Variants in FYB2 observed in about 807,000 individuals in gnomAD.
FYB2 encodes FYN-binding protein 2.
In FYB2, 103 loss-of-function variants were observed where a neutral mutation model predicts 94.1. The ratio of observed to expected loss-of-function variants is 1.09; its 90% CI spans 0.93 to 1.29. The LOEUF (loss-of-function observed/expected upper bound fraction) is 1.29, where lower values mean the gene tolerates loss of function less well. Ranked by LOEUF, FYB2 falls within the 50% of genes most tolerant of loss-of-function variation. FYB2 has a pLI of 0.00. For missense variants in FYB2, 896 were observed against 841.5 expected, an observed-to-expected ratio of 1.06 and a Z score of -0.80; for synonymous variants, 293 against 287.9, an observed-to-expected ratio of 1.02 and a Z score of -0.18.
chr1:56,757,720 T>TTCTTTCTTTCTTTCTTTCTTTCTC, intron 6 of FYB2, among the ~76,000 whole-genome samples: 1 of 123,376 alleles, frequency 8.1e-6, no homozygotes, highest in Non-Finnish European at 1.7e-5. Flanking sequence ...CTTTCTTTCT[T>TTCTTTCTTTCTTTCTTTCTTTCTC]TCTTTCTTTC....
At chr1:56,803,064 C>T (rs544301542) in intron 1 of FYB2, among the ~76,000 whole-genome samples, 2 of 152,232 alleles carry the variant, frequency 1.3e-5, no homozygotes, top group South Asian at 2.1e-4. Context: ...AGTTTCAGCA[C>T]CAATTTAGGT....
intron 5 of FYB2, among the ~76,000 whole-genome samples, chr1:56,762,392 T>G (rs531856339): frequency 6.6e-6 from 1 of 152,306 alleles, no homozygotes; most frequent in South Asian, 2.1e-4. Flanking sequence ...CTTATTTAGA[T>G]TTTCTTTGAT....
In FYB2 at chr1:56,752,003, G is replaced by A. The variant is rs1251437917; in HGVS notation, c.1228-800C>T. On this transcript the variant is annotated intron_variant, in intron 8 of 19. Transcript: ENST00000343433. ...TCCAAATGTCAGTAGGAGATTGACA[G>A]AGTGGATAAAGGAGTATCTGGCAGA... Among the ~76,000 whole-genome samples, 4 of 151,936 alleles carry A rather than the reference G, an allele frequency of 2.6e-5. No individual in the cohort carries two copies. In the East Asian group the frequency reaches 7.8e-4, roughly 29 times the overall value.
chr1:56,739,505 C>T (rs932279670), intron 13 of FYB2, among the ~76,000 whole-genome samples: 1 of 152,046 alleles, frequency 6.6e-6, no homozygotes, highest in African/African-American at 2.4e-5. Context: ...GGTAGAACAA[C>T]ATAATTCCAT....
upstream of FYB2, chr1:56,824,518 A>G (rs926532890): frequency 2.0e-5 from 3 of 152,228 alleles, no homozygotes. Flanking sequence ...AAGTTCTATC[A>G]AAGTCTAAGA....
chr1:56,799,317 TATTA>T (rs1449674860), intron 1 of FYB2, among the ~76,000 whole-genome samples: 2 of 152,220 alleles, frequency 1.3e-5, no homozygotes, highest in South Asian at 2.1e-4. Context: ...AAAATTCTTC[TATTA>T]ATTCATAAAA....
chr1:56,727,505 A>T (rs1644608428), intron 15 of FYB2, among the ~76,000 whole-genome samples: 1 of 152,152 alleles, frequency 6.6e-6, no homozygotes, highest in South Asian at 2.1e-4. Context: ...ATACTATAGA[A>T]CATTAAAATG....
chr1:56,751,592 T>C (rs1645200430), intron 8 of FYB2, among the ~76,000 whole-genome samples: 2 of 152,064 alleles, frequency 1.3e-5, no homozygotes, highest in Admixed American at 6.6e-5. Flanking sequence ...GTAATCTACC[T>C]AGGCAGGACT....
At chr1:56,808,305 T>C (rs1202006657) in intron 1 of FYB2, among the ~76,000 whole-genome samples, 1 of 152,132 alleles carries the variant, frequency 6.6e-6, no homozygotes, top group Non-Finnish European at 1.5e-5. Context: ...TCTAGTATAC[T>C]CCTACAGCCT....
chr1:56,727,306 T>C (rs1163605570), intron 15 of FYB2, among the ~76,000 whole-genome samples: 1 of 152,030 alleles, frequency 6.6e-6, no homozygotes, highest in East Asian at 1.9e-4. Flanking sequence ...TCTTATGAAT[T>C]TGCATTCCCT....
At chr1:56,737,435 G>A (rs1291444061) in intron 14 of FYB2, 4 of 246,160 alleles carry the variant, frequency 1.6e-5, no homozygotes, top group African/African-American at 9.1e-5. Context: ...AAAAATATGA[G>A]TTGCTCAAAG....
In FYB2 at chr1:56,781,447, G is replaced by A. The variant is rs1646007073; in HGVS notation, c.953+5728C>T. Among the ~76,000 whole-genome samples, 3 of 151,788 alleles carry A rather than the reference G, an allele frequency of 2.0e-5. No homozygotes were observed. The South Asian group carries it at 6.3e-4, about 32-fold the overall frequency. ...TTATTTCATTTTGACTACCCTGTCC[G>A]TGTTAAGTTACTTAACTTCTCTGTG... On this transcript the variant is annotated intron_variant, in intron 4 of 19. Coordinates refer to ENST00000343433, the MANE Select transcript of FYB2 (RefSeq NM_001004303.5).
Position 56,792,208 on chromosome 1 carries a change from G to T in FYB2, c.605C>A (p.Ala202Asp). 3 of 1,613,908 alleles carry T rather than the reference G, an allele frequency of 1.9e-6. No homozygotes were observed. Among genetic ancestry groups the T allele is most frequent in the Admixed American group, 1.7e-5 (1 of 59,986 alleles). The change falls in exon 2 of 20, where the codon GCC becomes GAC. Residue 202 changes from alanine to aspartate, a missense_variant. Transcript: ENST00000343433. ...QTLPSQKHVV[A>D]PKILHNVSED... ...AGAGACGTTATGTAATATTTTGGGGGCCACCACGTGCTTCTGGGAAGGAAG... is the reference window on the plus strand; with the variant it reads ...AGAGACGTTATGTAATATTTTGGGGTCCACCACGTGCTTCTGGGAAGGAAG...
intron 15 of FYB2, among the ~76,000 whole-genome samples, chr1:56,732,655 A>G (rs1644736185): frequency 6.6e-6 from 1 of 152,134 alleles, no homozygotes; most frequent in Admixed American, 6.6e-5. Context: ...AACAGAATAG[A>G]TAACCCAGAA....
At chr1:56,751,516 G>T (rs1286331854) in intron 8 of FYB2, among the ~76,000 whole-genome samples, 1 of 151,996 alleles carries the variant, frequency 6.6e-6, no homozygotes, top group Non-Finnish European at 1.5e-5. Flanking sequence ...CATGAGAAAA[G>T]TATCATCAGT....
intron 4 of FYB2, among the ~76,000 whole-genome samples, chr1:56,781,050 A>G (rs1163726032): frequency 2.0e-5 from 3 of 152,200 alleles, no homozygotes; most frequent in Admixed American, 6.5e-5. Context: ...TTGTTCGTCA[A>G]TCAGGTCAGG....
intron 11 of FYB2, 115 bp from the exon 12 acceptor site, chr1:56,742,336 G>A (rs1569939220): frequency 9.9e-6 from 7 of 707,308 alleles, no homozygotes; most frequent in East Asian, 3.1e-5. Context: ...TCTTTCTTTT[G>A]TTAAATAGTT....
rs1016848568 is a variant in FYB2 at position 56,770,499 on chromosome 1, A to C, written c.954-2561T>G. On this transcript the variant is annotated intron_variant, in intron 4 of 19. Transcript: ENST00000343433. ...AGAAAATTTACTCCAATCTCACTTC[A>C]GAGATTTTAGCCCAAATTCACTAAA... 3.3e-5 allele frequency among the ~76,000 whole-genome samples: 5 copies of C among 152,312 alleles called. No homozygotes were observed. In the East Asian group the frequency reaches 9.6e-4, roughly 29 times the overall value.
intron 1 of FYB2, among the ~76,000 whole-genome samples, chr1:56,808,354 G>C (rs75923649): frequency 6.6e-6 from 1 of 152,096 alleles, no homozygotes; most frequent in Non-Finnish European, 1.5e-5. Flanking sequence ...TGCAACTAAA[G>C]GGTGTTTGAA....
Sources: allele counts gnomAD v4.1 joint callset (sites outside exome capture counted in the v4.1 genomes callset), GRCh38; gene constraint gnomAD v4.1.1; transcripts MANE v1.5; gene names NCBI Gene and HGNC (gene_info 2026-07-23, HGNC 2026-07-21).